The following ABI3BP variants were observed in gnomAD, a reference collection of about 807,000 sequenced individuals.
The protein encoded by ABI3BP is target of Nesh-SH3.
A neutral mutation model predicts 268.6 loss-of-function variants in ABI3BP; 216 were observed. The ratio of observed to expected loss-of-function variants is 0.80; its 90% confidence interval spans 0.72 to 0.90. The LOEUF (loss-of-function observed/expected upper bound fraction) is 0.90. Ranked by LOEUF, ABI3BP falls within the 40% of genes least tolerant of loss-of-function variation. The pLI, the probability that ABI3BP is intolerant of heterozygous loss-of-function variation, is 0.00. For synonymous variants in ABI3BP, 730 were observed against 730.0 expected (o/e 1.00, Z 0.00); for missense variants, 2,090 against 2,182.4 (o/e 0.96, Z 0.84).
chr3:100,914,170 T>A (rs547876878), intron 2 of ABI3BP, among the ~76,000 whole-genome samples: 1 of 152,032 alleles, frequency 6.6e-6, no homozygotes, highest in Non-Finnish European at 1.5e-5. Flanking sequence ...TATGTTTTCA[T>A]GTGGAAAAAA....
chr3:100,859,381 CTATAT>C (rs977074035), intron 14 of ABI3BP, among the ~76,000 whole-genome samples: 1 of 152,026 alleles, frequency 6.6e-6, no homozygotes, highest in African/African-American at 2.4e-5. Context: ...TTGCACCAAC[CTATAT>C]TATGTTTCTT....
chr3:100,802,415 T>A (rs1374276885), intron 51 of ABI3BP, among the ~76,000 whole-genome samples: 1 of 152,228 alleles, frequency 6.6e-6, no homozygotes, highest in Non-Finnish European at 1.5e-5. Context: ...AGGAACCTCC[T>A]GTTTAGACTC....
chr3:100,889,642 C>G (rs1343239760), intron 4 of ABI3BP, among the ~76,000 whole-genome samples: 1 of 152,046 alleles, frequency 6.6e-6, no homozygotes, highest in African/African-American at 2.4e-5. Context: ...TTCTAGAAAG[C>G]CTGCCTTCAG....
At chr3:100,889,322 TC>T (rs755425102) in intron 4 of ABI3BP, among the ~76,000 whole-genome samples, 2 of 152,156 alleles carry the variant, frequency 1.3e-5, no homozygotes, top group Non-Finnish European at 2.9e-5. Flanking sequence ...AATGCCAATT[TC>T]TGACTCCTAA....
chr3:100,816,147 A>C, intron 43 of ABI3BP, 176 bp from the exon 44 acceptor site: 1 of 541,578 alleles, frequency 1.8e-6, no homozygotes, highest in East Asian at 3.0e-5. Context: ...AGAACAATTC[A>C]TCAAAGAAGG....
chr3:100,911,935 T>C, intron 2 of ABI3BP: 1 of 1,122,090 alleles, frequency 8.9e-7, no homozygotes, highest in Non-Finnish European at 1.4e-6. Context: ...AATATTTTCT[T>C]CAGTGCTTGC....
chr3:100,832,229 G>A, intron 31 of ABI3BP, 35 bp downstream of exon 31: 1 of 1,518,392 alleles, frequency 6.6e-7, no homozygotes. Context: ...GTGGTAGACT[G>A]CTTGGATTCT....
rs373414204 is a variant in ABI3BP, at chr3:100,765,701, G to A, written c.4850+140C>T. 232 of 642,546 alleles carry A rather than the reference G, an allele frequency of 3.6e-4. 3 individuals are homozygous for A. In the South Asian group the frequency reaches 4.6e-3, roughly 13 times the overall value. The allele number at this position is 642,546 out of a possible 1,614,324, so 39.8% of individuals were successfully genotyped here. A position where few individuals can be genotyped will look rare whatever the true frequency, so the allele number is the denominator to read the frequency against. On this transcript the variant is annotated intron_variant, in intron 63 of 67. Transcript: ENST00000471714. ...AAACATGACTCCAGAGGTATCTAGT[G>A]CTATATATAGAAAACCCAAGAGTGA... is the stretch of plus-strand genomic sequence containing the variant.
chr3:100,778,163 G>T, intron 59 of ABI3BP, 121 bp downstream of exon 59: 4 of 945,518 alleles, frequency 4.2e-6, no homozygotes, highest in South Asian at 1.5e-5. Context: ...AGTCTTCAGG[G>T]CCAACACAAA....
intron 1 of ABI3BP, among the ~76,000 whole-genome samples, chr3:100,969,046 G>A (rs573345368): frequency 6.6e-6 from 1 of 152,300 alleles, no homozygotes; most frequent in African/African-American, 2.4e-5. Flanking sequence ...AATAAGGTCA[G>A]TATTGCCTCA....
At chr3:100,886,060 CA>C in intron 5 of ABI3BP, 81 bp downstream of exon 5, 1 of 1,066,952 alleles carries the variant, frequency 9.4e-7, no homozygotes, top group Non-Finnish European at 1.3e-6. Flanking sequence ...TCATATTATA[CA>C]ATGAATAACA....
At position 100,834,794 on chromosome 3, in the gene ABI3BP, A is replaced by C; in HGVS notation, c.2192-21T>G. Reference sequence around the variant, plus strand: ...TGGAGCTAAAGAAAGGAAACTGGTTATTGTAGTCATATGACTCCAGAAACC... The same window carrying C: ...TGGAGCTAAAGAAAGGAAACTGGTTCTTGTAGTCATATGACTCCAGAAACC... On this transcript the variant is annotated intron_variant, in intron 28 of 67. Transcript: ENST00000471714. The C allele has an allele frequency of 2.0e-6, 3 of 1,532,340 alleles. No individual in the cohort carries two copies. In the African/African-American group the frequency reaches 4.1e-5, roughly 21 times the overall value. 94.9% of individuals were successfully genotyped at this position (1,532,340 alleles called of 1,614,324 possible). A position where few individuals can be genotyped will look rare whatever the true frequency, so the allele number is the denominator to read the frequency against.
intron 5 of ABI3BP, 39 bp from the exon 6 acceptor site, chr3:100,885,627 C>T: frequency 5.4e-6 from 7 of 1,290,800 alleles, no homozygotes; most frequent in Middle Eastern, 1.9e-4. Context: ...TTTTTATTCT[C>T]CTTGCTCCTA....
chr3:100,783,313 C>T (rs1252007896), intron 57 of ABI3BP, among the ~76,000 whole-genome samples: 1 of 152,162 alleles, frequency 6.6e-6, no homozygotes, highest in Non-Finnish European at 1.5e-5. Flanking sequence ...GCAGCACACT[C>T]ATGTGGGGGC....
intron 1 of ABI3BP, among the ~76,000 whole-genome samples, chr3:100,929,183 T>C (rs2062838942): frequency 6.6e-6 from 1 of 152,034 alleles, no homozygotes; most frequent in Non-Finnish European, 1.5e-5. Context: ...TAGGCTGCAT[T>C]CATATTTGAC....
Position 100,820,982 on chromosome 3 carries a change from C to T in ABI3BP, c.2947+72G>A, listed in dbSNP as rs139359603. On this transcript the variant is annotated intron_variant, in intron 39 of 67. Coordinates refer to ENST00000471714, the MANE Select transcript of ABI3BP (RefSeq NM_001375547.2). ...TAGTCTTGAAAAGCATAAGAATCTG[C>T]GGCTATGATGATGGAATGGGTTTGA... 110 of 1,230,884 alleles carry T rather than the reference C, an allele frequency of 8.9e-5. 1 individual carries two copies. The highest frequency in any genetic ancestry group is 5.1e-4 in the African/African-American group (34 of 66,764). The allele number at this position is 1,230,884 out of a possible 1,614,324, so 76.2% of individuals were successfully genotyped here. A position where few individuals can be genotyped will look rare whatever the true frequency, so the allele number is the denominator to read the frequency against.
intron 62 of ABI3BP, 60 bp from the exon 63 acceptor site, chr3:100,766,009 C>T (rs1279553518): frequency 1.5e-6 from 2 of 1,314,976 alleles, no homozygotes; most frequent in African/African-American, 1.5e-5. Flanking sequence ...CTTAATTGCT[C>T]CTGAAGCTAA....
intron 1 of ABI3BP, among the ~76,000 whole-genome samples, chr3:100,961,760 C>G (rs1333538891): frequency 6.6e-6 from 1 of 152,174 alleles, no homozygotes; most frequent in African/African-American, 2.4e-5. Context: ...ACAGCCTCTT[C>G]TTGCTTGTTA....
At chr3:100,868,856 C>T (rs564831675) in intron 9 of ABI3BP, among the ~76,000 whole-genome samples, 1 of 99,736 alleles carries the variant, frequency 1.0e-5, no homozygotes, top group East Asian at 2.3e-4. Context: ...TAAATTTTAT[C>T]AGTTTTTTTT....
Sources: allele counts gnomAD v4.1 joint callset (sites outside exome capture counted in the v4.1 genomes callset), GRCh38; gene constraint gnomAD v4.1.1; transcripts MANE v1.5; gene names NCBI Gene and HGNC (gene_info 2026-07-23, HGNC 2026-07-21).